Variants in PIK3AP1 observed in about 807,000 individuals in gnomAD.
The protein encoded by PIK3AP1 is phosphoinositide 3-kinase adapter protein 1.
In PIK3AP1, 21 loss-of-function variants were observed where a neutral mutation model predicts 88.1. The observed-to-expected ratio is 0.24, with a 90% confidence interval of 0.17 to 0.34. The LOEUF (loss-of-function observed/expected upper bound fraction) is 0.34, where lower values mean the gene tolerates loss of function less well. Among genes scored for constraint, PIK3AP1 ranks in the 10% least tolerant of loss-of-function variants. PIK3AP1 has a pLI of 1.00. For synonymous variants in PIK3AP1, 398 were observed against 400.0 expected (o/e 1.00, Z 0.06); for missense variants, 828 against 1,035.7 (o/e 0.80, Z 2.75).
intron 3 of PIK3AP1, among the ~76,000 whole-genome samples, chr10:96,654,260 G>A (rs1389955184): frequency 6.6e-6 from 1 of 152,142 alleles, no homozygotes; most frequent in Non-Finnish European, 1.5e-5. Context: ...TGCTGGTTAC[G>A]TGGGGGGAAT....
At chr10:96,662,373 G>A (rs1042335292) in intron 2 of PIK3AP1, among the ~76,000 whole-genome samples, 2 of 151,996 alleles carry the variant, frequency 1.3e-5, no homozygotes, top group African/African-American at 4.8e-5. Flanking sequence ...AGGCCAAGGC[G>A]GGTGGATCAC....
intron 6 of PIK3AP1, among the ~76,000 whole-genome samples, chr10:96,650,246 T>C (rs756734386): frequency 2.0e-5 from 3 of 152,284 alleles, no homozygotes; most frequent in Non-Finnish European, 4.4e-5. Flanking sequence ...TCATGTAAAC[T>C]CACCCTTATG....
chr10:96,699,734 C>T (rs1844270328), intron 2 of PIK3AP1, among the ~76,000 whole-genome samples: 1 of 152,358 alleles, frequency 6.6e-6, no homozygotes, highest in South Asian at 2.1e-4. Context: ...GGCCCTCACC[C>T]TGATCCTAGC....
chr10:96,697,162 G>A (rs1444139856), intron 2 of PIK3AP1, among the ~76,000 whole-genome samples: 2 of 152,140 alleles, frequency 1.3e-5, no homozygotes, highest in African/African-American at 4.8e-5. Context: ...TTTGACAAGA[G>A]TCAAAATATG....
chr10:96,699,552 C>T (rs1163045063), intron 2 of PIK3AP1, among the ~76,000 whole-genome samples: 2 of 152,134 alleles, frequency 1.3e-5, no homozygotes, highest in Non-Finnish European at 2.9e-5. Context: ...TTGGATAGCG[C>T]TGGTTTTGAA....
At chr10:96,695,794 C>A (rs971508057) in intron 2 of PIK3AP1, among the ~76,000 whole-genome samples, 4 of 151,044 alleles carry the variant, frequency 2.6e-5, no homozygotes, top group African/African-American at 9.7e-5. Flanking sequence ...AGAGACAGAC[C>A]TATACATATC....
chr10:96,698,656 C>T (rs533846396), intron 2 of PIK3AP1, among the ~76,000 whole-genome samples: 2 of 152,214 alleles, frequency 1.3e-5, no homozygotes, highest in South Asian at 4.1e-4. Context: ...CTGCTTGAAC[C>T]TGAGAGGGAG....
intron 8 of PIK3AP1, among the ~76,000 whole-genome samples, chr10:96,636,680 G>A (rs192314507): frequency 4.3e-4 from 65 of 152,162 alleles, no homozygotes; most frequent in Non-Finnish European, 8.7e-4. Flanking sequence ...GGTCTGAGGA[G>A]AAAGTGCAAA....
chr10:96,668,063 A>C (rs868744479), intron 2 of PIK3AP1, among the ~76,000 whole-genome samples: 10 of 152,352 alleles, frequency 6.6e-5, no homozygotes, highest in Admixed American at 3.3e-4. Context: ...AATTGACTTA[A>C]AGAAAATATT....
chr10:96,702,478 A>T (rs1399664476), intron 2 of PIK3AP1, among the ~76,000 whole-genome samples: 4 of 151,136 alleles, frequency 2.6e-5, no homozygotes, highest in Non-Finnish European at 5.9e-5. Flanking sequence ...CAGCCTGATG[A>T]CAGAGCAAGA....
chr10:96,656,670 A>G, intron 3 of PIK3AP1, 128 bp downstream of exon 3: 2 of 1,363,844 alleles, frequency 1.5e-6, no homozygotes, highest in Non-Finnish European at 2.0e-6. Context: ...CTCAAAAGAA[A>G]TCCCAAAGGA....
chr10:96,671,666 CCGT>C (rs1427029393), intron 2 of PIK3AP1, among the ~76,000 whole-genome samples: 1 of 151,036 alleles, frequency 6.6e-6, no homozygotes, highest in Admixed American at 6.8e-5. Context: ...GTTCTCATCA[CCGT>C]CGTCATCATC....
chr10:96,611,408 T>G (rs1849106924), intron 13 of PIK3AP1, among the ~76,000 whole-genome samples: 1 of 152,156 alleles, frequency 6.6e-6, no homozygotes, highest in Non-Finnish European at 1.5e-5. Flanking sequence ...GCCCCCACAG[T>G]ATCTTAGAGA....
chr10:96,633,156 C>T, intron 8 of PIK3AP1: 1 of 1,338,406 alleles, frequency 7.5e-7, no homozygotes, highest in Admixed American at 2.7e-5. Flanking sequence ...CAGGAAAGCC[C>T]AAAGAATGCT....
At chr10:96,610,689 T>C (rs1472500538) in intron 13 of PIK3AP1, among the ~76,000 whole-genome samples, 1 of 152,238 alleles carries the variant, frequency 6.6e-6, no homozygotes, top group Non-Finnish European at 1.5e-5. Context: ...AGCACTGACC[T>C]GACCTCCTTA....
intron 8 of PIK3AP1, among the ~76,000 whole-genome samples, chr10:96,628,875 CATATATATATATACATAT>C (rs1843191557): frequency 1.1e-5 from 1 of 90,910 alleles, no homozygotes; most frequent in African/African-American, 4.4e-5. Context: ...CATATATACA[CATATATATATATACATAT>C]ATATATATAT....
intron 12 of PIK3AP1, among the ~76,000 whole-genome samples, chr10:96,617,080 C>T (rs1041408262): frequency 2.0e-5 from 3 of 152,202 alleles, no homozygotes; most frequent in African/African-American, 7.2e-5. Context: ...GATGTTGGTT[C>T]TTCTCCATGA....
intron 2 of PIK3AP1, among the ~76,000 whole-genome samples, chr10:96,673,603 T>A (rs1337188611): frequency 1.3e-5 from 2 of 152,228 alleles, no homozygotes; most frequent in Non-Finnish European, 2.9e-5. Context: ...AGGCTTGTCA[T>A]GAGGCCATTA....
intron 11 of PIK3AP1, chr10:96,621,257 G>T: frequency 6.5e-6 from 1 of 154,780 alleles, no homozygotes; most frequent in South Asian, 1.8e-4. Flanking sequence ...TGGAGAGCTT[G>T]GCTGGGATGA....
Sources: gnomAD v4.1 joint callset for allele counts (sites outside exome capture counted in the v4.1 genomes callset) on GRCh38, gnomAD v4.1.1 for gene constraint, MANE v1.5 for transcripts, NCBI Gene and HGNC (gene_info 2026-07-23, HGNC 2026-07-21) for gene names.